LCTL: variants seen among roughly 807,000 people sequenced by gnomAD.
LCTL encodes the protein lactase-like protein.
LCTL carries 76 observed loss-of-function variants against 75.8 expected under a neutral mutation model. The observed-to-expected ratio is 1.00, with a 90% CI of 0.83 to 1.21. The LOEUF (loss-of-function observed/expected upper bound fraction) is 1.21. Ranked by LOEUF, LCTL falls within the 50% of genes most tolerant of loss-of-function variation. LCTL has a pLI of 0.00. For synonymous variants in LCTL, 271 were observed against 268.8 expected, an observed-to-expected ratio of 1.01 and a Z score of -0.08; for missense variants, 670 against 712.4, an observed-to-expected ratio of 0.94 and a Z score of 0.68.
chr15:66,549,494 G>A (rs1895514175), intron 12 of LCTL: 1 of 152,208 alleles, frequency 6.6e-6, no homozygotes, highest in African/African-American at 2.4e-5. Flanking sequence ...AATAATATGT[G>A]TTGGCATTTC....
intron 6 of LCTL, among the ~76,000 whole-genome samples, chr15:66,559,907 T>C (rs1895842675): frequency 6.6e-6 from 1 of 151,838 alleles, no homozygotes; most frequent in East Asian, 1.9e-4. Context: ...GCCAACATGG[T>C]GAAACCCTGT....
chr15:66,565,466 G>A (rs74504977), exon 1 of LCTL: 12,753 of 704,300 alleles, frequency 0.018, 216 homozygotes, highest in South Asian at 0.056. Flanking sequence ...AAGGCCAAGT[G>A]GGGAGAGGAA....
exon 2 of LCTL, chr15:66,564,804 T>A: frequency 6.2e-7 from 1 of 1,613,198 alleles, no homozygotes; most frequent in Non-Finnish European, 8.5e-7. Flanking sequence ...GCGCCCTCCG[T>A]CTGGTAGGCA....
At chr15:66,565,538 G>T (rs1247158227), upstream of LCTL, 3 of 569,026 alleles carry the variant, frequency 5.3e-6, no homozygotes, top group Non-Finnish European at 9.2e-6. Context: ...GTCTGATGCT[G>T]TTTCCGTGCC....
chr15:66,558,452 G>C (rs1036310805), intron 6 of LCTL, among the ~76,000 whole-genome samples: 4 of 152,068 alleles, frequency 2.6e-5, no homozygotes, highest in African/African-American at 4.8e-5. Context: ...CCAGTGACCC[G>C]CTGGCCTGCC....
exon 9 of LCTL, chr15:66,553,112 G>C (rs753278280): frequency 1.2e-6 from 2 of 1,611,388 alleles, no homozygotes; most frequent in Non-Finnish European, 8.5e-7. Context: ...GGCCCCTGGC[G>C]GGAGGGGTAG....
intron 5 of LCTL, 25 bp downstream of exon 6, chr15:66,561,162 T>G (rs1206899456): frequency 4.3e-6 from 7 of 1,614,074 alleles, no homozygotes; most frequent in Non-Finnish European, 5.9e-6. Context: ...TGTCACATTC[T>G]CCCACCTGGA....
At chr15:66,556,188 G>A (rs1052562131) in intron 8 of LCTL, among the ~76,000 whole-genome samples, 1 of 152,164 alleles carries the variant, frequency 6.6e-6, no homozygotes, top group African/African-American at 2.4e-5. Flanking sequence ...GCTGGATCTT[G>A]AGATATTTGT....
Position 66,551,757 on chromosome 15 carries a change from C to G in LCTL, c.1429G>C (p.Glu477Gln), listed in dbSNP as rs1262661430. 1.2e-6 allele frequency: 2 copies of G among 1,613,746 alleles called. No homozygotes were observed. Among genetic ancestry groups the G allele is most frequent in the Admixed American group, 3.3e-5 (2 of 60,000 alleles). Residue 477 changes from glutamate to glutamine, a missense_variant, in exon 11 of 13, where the codon GAA (glutamate) becomes CAA (glutamine). Physicochemically the swap from Glu to Gln is conservative, Grantham distance 29. Transcript: ENST00000341509. ...CGAGGCTTATTTCTGTCGTTAAATTCAACATAGTAGAATCCATATCTATCT... is the reference window on the plus strand; with the variant it reads ...CGAGGCTTATTTCTGTCGTTAAATTGAACATAGTAGAATCCATATCTATCT...
intron 3 of LCTL, 28 bp from the exon 5 acceptor site, chr15:66,563,653 C>G (rs754064694): frequency 1.3e-6 from 2 of 1,511,346 alleles, no homozygotes; most frequent in Non-Finnish European, 1.8e-6. Context: ...GAAGATGCTA[C>G]CAGAAAGGAC....
At position 66,563,632 on chromosome 15, in the gene LCTL, G is replaced by T. The variant is rs757454247; in HGVS notation, c.371-7C>A. On this transcript the variant is annotated splice_polypyrimidine_tract_variant and splice_region_variant and intron_variant, in intron 3 of 12. Transcript: ENST00000341509. ...TTCTTGTTCACCTGCTCGGCTGCAG[G>T]TGAAATAAAAGAAGATGCTACCAGA... is the stretch of plus-strand genomic sequence containing the variant. 9.7e-5 allele frequency: 155 copies of T among 1,591,762 alleles called. 1 individual carries two copies. The highest frequency in any genetic ancestry group is 8.8e-5 in the Non-Finnish European group (102 of 1,162,164).
At chr15:66,552,667 CAAAAAAAAAAAA>C (rs752480803) in intron 9 of LCTL, among the ~76,000 whole-genome samples, 2 of 53,106 alleles carry the variant, frequency 3.8e-5, no homozygotes, top group African/African-American at 5.3e-5. Flanking sequence ...GAGACTGTCT[CAAAAAAAAAAAA>C]AAAAAAAAAA....
intron 6 of LCTL, 117 bp from the exon 8 acceptor site, chr15:66,558,153 C>A: frequency 1.3e-6 from 1 of 775,560 alleles, no homozygotes; most frequent in South Asian, 2.9e-5. Flanking sequence ...TCAATCCAGC[C>A]TTGTTTATCC....
At chr15:66,557,373 G>T (rs1465731972) in intron 8 of LCTL, among the ~76,000 whole-genome samples, 1 of 152,174 alleles carries the variant, frequency 6.6e-6, no homozygotes. Flanking sequence ...ACCGACAATA[G>T]AAGTGACACA....
chr15:66,551,030 A>C (rs1456673376), intron 11 of LCTL, among the ~76,000 whole-genome samples: 1 of 152,028 alleles, frequency 6.6e-6, no homozygotes, highest in Non-Finnish European at 1.5e-5. Context: ...ATGTTGAAGA[A>C]TAGGTAGTAT....
chr15:66,548,693 G>T, intron 12 of LCTL, 88 bp from the exon 14 acceptor site: 1 of 571,980 alleles, frequency 1.7e-6, no homozygotes, highest in South Asian at 3.5e-5. Context: ...TAACTGTATT[G>T]GGAAAACTTA....
chr15:66,562,744 T>C (rs939753150), intron 4 of LCTL, among the ~76,000 whole-genome samples: 1 of 152,018 alleles, frequency 6.6e-6, no homozygotes, highest in Non-Finnish European at 1.5e-5. Context: ...CCACCACGTC[T>C]GGCTAAGTTT....
intron 11 of LCTL, 52 bp from the exon 13 acceptor site, chr15:66,550,156 G>A: frequency 9.2e-7 from 1 of 1,085,416 alleles, no homozygotes; most frequent in Non-Finnish European, 1.4e-6. Flanking sequence ...ATTTTTTGCT[G>A]TTTCAAATCA....
chr15:66,559,631 C>T (rs923447969), intron 6 of LCTL, among the ~76,000 whole-genome samples: 1 of 152,194 alleles, frequency 6.6e-6, no homozygotes, highest in Non-Finnish European at 1.5e-5. Flanking sequence ...TCATTTGAAC[C>T]CAGGAGGCAG....
Sources: allele counts gnomAD v4.1 joint callset (sites outside exome capture counted in the v4.1 genomes callset), GRCh38; gene constraint gnomAD v4.1.1; transcripts MANE v1.5; gene names NCBI Gene and HGNC (gene_info 2026-07-23, HGNC 2026-07-21).